FHIT: variants seen among roughly 807,000 people sequenced by gnomAD.
The protein encoded by FHIT is bis(5'-adenosyl)-triphosphatase.
Under a neutral mutation model 17.9 loss-of-function variants are expected in FHIT, and 19 were observed. The observed-to-expected ratio is 1.06, with a 90% CI of 0.74 to 1.56. The LOEUF is 1.56. FHIT is among the 40% of genes most tolerant of loss of function. FHIT has a pLI of 0.00. For synonymous variants in FHIT, 81 were observed against 69.7 expected (o/e 1.16, Z -0.81); for missense variants, 248 against 189.2 (o/e 1.31, Z -1.82).
chr3:61,118,211 C>T (rs915857849), intron 2 of FHIT, among the ~76,000 whole-genome samples: 13 of 152,274 alleles, frequency 8.5e-5, no homozygotes, highest in African/African-American at 2.4e-4. Flanking sequence ...CTCATTAAGT[C>T]GCTGAAAGGC....
At chr3:59,751,968 G>C in intron 9 of FHIT, 1 of 412,674 alleles carries the variant, frequency 2.4e-6, no homozygotes, top group Non-Finnish European at 4.3e-6. Flanking sequence ...GGAAAGACTG[G>C]AGAAAGGTGG....
intron 3 of FHIT, among the ~76,000 whole-genome samples, chr3:60,861,963 C>T (rs1343970076): frequency 7.4e-5 from 11 of 148,792 alleles, no homozygotes; most frequent in African/African-American, 2.0e-4. Flanking sequence ...AAAAAAAGGC[C>T]GGTTTGATCA....
intron 2 of FHIT, among the ~76,000 whole-genome samples, chr3:61,165,253 G>A (rs546380347): frequency 2.0e-5 from 3 of 152,046 alleles, no homozygotes; most frequent in Admixed American, 6.6e-5. Context: ...TTACATTCTC[G>A]ACAACAGTTT....
intron 5 of FHIT, among the ~76,000 whole-genome samples, chr3:60,518,364 A>G (rs937599690): frequency 2.0e-5 from 3 of 152,366 alleles, no homozygotes; most frequent in Non-Finnish European, 4.4e-5. Context: ...TAATGTATAT[A>G]TATGTTTAAA....
At chr3:59,750,860 G>C (rs1015499567) in intron 9 of FHIT, 1 of 202,754 alleles carries the variant, frequency 4.9e-6, no homozygotes, top group African/African-American at 2.3e-5. Flanking sequence ...TAAAAATCAT[G>C]ATCACTAAGT....
intron 5 of FHIT, among the ~76,000 whole-genome samples, chr3:60,528,763 C>T (rs1161209226): frequency 1.3e-5 from 2 of 152,172 alleles, no homozygotes; most frequent in Non-Finnish European, 2.9e-5. Flanking sequence ...TTGAAATACA[C>T]AAGTATTACT....
intron 3 of FHIT, among the ~76,000 whole-genome samples, chr3:61,012,308 G>C (rs1165007325): frequency 2.0e-5 from 3 of 152,080 alleles, no homozygotes; most frequent in Non-Finnish European, 2.9e-5. Context: ...TGAATATCTT[G>C]AGTGACTGAG....
intron 5 of FHIT, among the ~76,000 whole-genome samples, chr3:60,184,569 C>T (rs1407720811): frequency 6.6e-6 from 1 of 152,182 alleles, no homozygotes; most frequent in South Asian, 2.1e-4. Context: ...ATATTATCAA[C>T]ATGACTTATC....
At chr3:61,069,996 C>T (rs1320221193) in intron 2 of FHIT, among the ~76,000 whole-genome samples, 4 of 152,160 alleles carry the variant, frequency 2.6e-5, no homozygotes, top group African/African-American at 9.7e-5. Flanking sequence ...ACTGCAATCT[C>T]CGCCTGCAGG....
At chr3:60,672,060 T>C (rs1553694060) in intron 4 of FHIT, among the ~76,000 whole-genome samples, 1 of 152,238 alleles carries the variant, frequency 6.6e-6, no homozygotes, top group Non-Finnish European at 1.5e-5. Flanking sequence ...CTTTGTGTAA[T>C]TGATGTAGCC....
Position 59,822,865 on chromosome 3 carries a change from A to G in FHIT, c.349-70544T>C, listed in dbSNP as rs145387314. 4.9e-3 allele frequency among the ~76,000 whole-genome samples: 741 copies of G among 152,244 alleles called. 4 individuals are homozygous for G. The highest frequency in any genetic ancestry group is 0.017 in the African/African-American group (687 of 41,558). ...TTTGCTTTTGGGTTCTTGGTCATAA[A>G]GTCTGCCTAAGCCAATGTCTAGAAG... is the stretch of plus-strand genomic sequence containing the variant. On this transcript the variant is annotated intron_variant, in intron 8 of 9. Transcript: ENST00000492590.
intron 2 of FHIT, among the ~76,000 whole-genome samples, chr3:61,063,361 C>A (rs954562847): frequency 6.6e-6 from 1 of 151,970 alleles, no homozygotes; most frequent in African/African-American, 2.4e-5. Context: ...AATACAAGGC[C>A]ACAAGTTCGT....
chr3:60,246,776 T>C (rs945632797), intron 5 of FHIT, among the ~76,000 whole-genome samples: 7 of 152,146 alleles, frequency 4.6e-5, no homozygotes, highest in Non-Finnish European at 1.0e-4. Context: ...ATATTGACAT[T>C]CTCCACACAG....
intron 5 of FHIT, among the ~76,000 whole-genome samples, chr3:60,395,687 G>A (rs543871628): frequency 6.6e-6 from 1 of 152,164 alleles, no homozygotes; most frequent in Non-Finnish European, 1.5e-5. Flanking sequence ...CATTTGATCA[G>A]TCAAATACTA....
chr3:59,894,257 A>C (rs1180914643), intron 8 of FHIT, among the ~76,000 whole-genome samples: 2 of 152,176 alleles, frequency 1.3e-5, no homozygotes, highest in Non-Finnish European at 2.9e-5. Flanking sequence ...AAAACAAACA[A>C]ACAAAATGAT....
chr3:60,022,010 C>T (rs1265932323), intron 5 of FHIT, among the ~76,000 whole-genome samples: 1 of 152,144 alleles, frequency 6.6e-6, no homozygotes, highest in Non-Finnish European at 1.5e-5. Context: ...TCTGGCTTCT[C>T]AAAAATAAGA....
intron 5 of FHIT, among the ~76,000 whole-genome samples, chr3:60,387,848 G>T (rs927192937): frequency 1.3e-5 from 2 of 152,146 alleles, no homozygotes; most frequent in Middle Eastern, 3.2e-3. Context: ...TGGAGTTAAG[G>T]CTCGATGACA....
chr3:60,255,829 T>C (rs1705961336), intron 5 of FHIT, among the ~76,000 whole-genome samples: 2 of 151,880 alleles, frequency 1.3e-5, no homozygotes, highest in Non-Finnish European at 2.9e-5. Context: ...CACTCCAGCC[T>C]GGGCAACAGA....
intron 5 of FHIT, among the ~76,000 whole-genome samples, chr3:60,109,912 T>A (rs184941608): frequency 1.2e-4 from 18 of 152,310 alleles, no homozygotes; most frequent in African/African-American, 4.3e-4. Flanking sequence ...TTAAATAAGT[T>A]AATAATAATC....
Sources: gnomAD v4.1 joint callset for allele counts (sites outside exome capture counted in the v4.1 genomes callset) on GRCh38, gnomAD v4.1.1 for gene constraint, MANE v1.5 for transcripts, NCBI Gene and HGNC (gene_info 2026-07-23, HGNC 2026-07-21) for gene names.